PHYHIPL: variants seen among roughly 807,000 people sequenced by gnomAD.
PHYHIPL encodes phytanoyl-CoA 2-hydroxylase interacting protein like.
In PHYHIPL, 9 loss-of-function variants were observed where a neutral mutation model predicts 33.4. That is an observed-to-expected ratio of 0.27 (90% CI 0.16 to 0.47). The LOEUF (loss-of-function observed/expected upper bound fraction) is 0.47. Among genes scored for constraint, PHYHIPL ranks in the 20% least tolerant of loss-of-function variants. The pLI, the probability that PHYHIPL is intolerant of heterozygous loss-of-function variation, is 0.99. For synonymous variants in PHYHIPL, 153 were observed against 154.1 expected (o/e 0.99, Z 0.05); for missense variants, 365 against 460.7 (o/e 0.79, Z 1.90).
intron 1 of PHYHIPL, among the ~76,000 whole-genome samples, chr10:59,186,038 T>C (rs528493077): frequency 9.2e-5 from 14 of 152,260 alleles, no homozygotes; most frequent in African/African-American, 2.9e-4. Context: ...GAAGTCCTTG[T>C]CCATGCCTAT....
In PHYHIPL at chr10:59,234,444, T is replaced by C. The variant is rs1840166462; in HGVS notation, c.247T>C (p.Tyr83His). The C allele has an allele frequency of 6.3e-7, 1 of 1,591,386 alleles. No homozygotes were observed. Among genetic ancestry groups the C allele is most frequent in the South Asian group, 1.2e-5 (1 of 86,708 alleles). Residue 83 changes from tyrosine to histidine, a missense_variant, in exon 2 of 5, where the codon TAT becomes CAT. Coordinates refer to ENST00000373880, the MANE Select transcript of PHYHIPL (RefSeq NM_032439.4). ...AAAATCAAAGGATCGCATTACACAC[T>C]ATTTTATTGACCTCAACAAGAAAGA... ...DSKSKDRITH[Y>H]FIDLNKKENK...
At chr10:59,236,998 C>CTTTTTTTTTTTTTTT (rs57712085) in intron 3 of PHYHIPL, among the ~76,000 whole-genome samples, 1 of 141,708 alleles carries the variant, frequency 7.1e-6, no homozygotes. Flanking sequence ...CTTTTTTCTC[C>CTTTTTTTTTTTTTTT]TTTTTTTTTT....
At chr10:59,229,564 T>G (rs1216815229) in intron 1 of PHYHIPL, among the ~76,000 whole-genome samples, 1 of 152,162 alleles carries the variant, frequency 6.6e-6, no homozygotes, top group East Asian at 1.9e-4. Flanking sequence ...CCAAATTAAA[T>G]TTAAAGTTTA....
chr10:59,240,558 C>T (rs1052005822), intron 4 of PHYHIPL, among the ~76,000 whole-genome samples: 14 of 151,582 alleles, frequency 9.2e-5, no homozygotes, highest in Non-Finnish European at 1.5e-4. Context: ...ACTGAATGTG[C>T]ATCATTTTCA....
At chr10:59,201,565 C>G (rs1053966278) in intron 1 of PHYHIPL, among the ~76,000 whole-genome samples, 2 of 152,116 alleles carry the variant, frequency 1.3e-5, no homozygotes, top group Non-Finnish European at 2.9e-5. Flanking sequence ...CTGTAGATGT[C>G]TGTTAGGTCC....
intron 1 of PHYHIPL, among the ~76,000 whole-genome samples, chr10:59,182,746 C>T (rs1197794855): frequency 6.6e-6 from 1 of 151,942 alleles, no homozygotes; most frequent in Non-Finnish European, 1.5e-5. Flanking sequence ...TAGAAAGCTT[C>T]AGCATATTCT....
chr10:59,209,111 C>T (rs1033409299), intron 1 of PHYHIPL, among the ~76,000 whole-genome samples: 1 of 151,708 alleles, frequency 6.6e-6, no homozygotes, highest in African/African-American at 2.4e-5. Flanking sequence ...AGAGCAACTC[C>T]AAGACACATA....
intron 1 of PHYHIPL, among the ~76,000 whole-genome samples, chr10:59,213,544 T>A (rs1435719807): frequency 1.3e-5 from 2 of 152,280 alleles, no homozygotes; most frequent in East Asian, 3.9e-4. Context: ...TGATCTCAAC[T>A]CATGTCTAGT....
chr10:59,179,674 G>A (rs111407649), intron 1 of PHYHIPL, among the ~76,000 whole-genome samples: 62 of 151,760 alleles, frequency 4.1e-4, no homozygotes, highest in African/African-American at 1.5e-3. Flanking sequence ...GGATTTTTTT[G>A]TTTTTGTTTT....
chr10:59,202,274 C>T (rs1036878799), intron 1 of PHYHIPL, among the ~76,000 whole-genome samples: 1 of 152,072 alleles, frequency 6.6e-6, no homozygotes, highest in Admixed American at 6.6e-5. Flanking sequence ...ACTAGAAGCC[C>T]ATCCCCCACC....
At chr10:59,183,692 CG>C (rs1186216846) in intron 1 of PHYHIPL, 1 of 984,180 alleles carries the variant, frequency 1.0e-6, no homozygotes, top group African/African-American at 1.7e-5. Flanking sequence ...GAACCAAGAA[CG>C]TCATACTTGG....
intron 1 of PHYHIPL, among the ~76,000 whole-genome samples, chr10:59,220,001 C>A (rs148748988): frequency 6.6e-6 from 1 of 152,162 alleles, no homozygotes; most frequent in East Asian, 1.9e-4. Context: ...AGCAGCAAAA[C>A]CAGTTCAGAC....
chr10:59,217,422 A>G (rs572288843), intron 1 of PHYHIPL, among the ~76,000 whole-genome samples: 1 of 152,014 alleles, frequency 6.6e-6, no homozygotes, highest in East Asian at 1.9e-4. Context: ...TATTTTTAAG[A>G]TGCAAATTTT....
chr10:59,173,921 GTTTTTTT>G (rs368316005), upstream of PHYHIPL, among the ~76,000 whole-genome samples: 14 of 57,546 alleles, frequency 2.4e-4, no homozygotes, highest in African/African-American at 6.8e-4. Context: ...TACTTCTGAG[GTTTTTTT>G]TTTTTTTTTT....
chr10:59,173,921 GTTTTTTTTTTTTTTTTTTTTTTTTTTT>G (rs368316005), upstream of PHYHIPL, among the ~76,000 whole-genome samples: 1 of 57,528 alleles, frequency 1.7e-5, no homozygotes, highest in African/African-American at 5.7e-5. Flanking sequence ...TACTTCTGAG[GTTTTTTTTTTTTTTTTTTTTTTTTTTT>G]TTTTTTTTTT....
chr10:59,181,646 CATGTAGATTA>C (rs1489178060), intron 1 of PHYHIPL, among the ~76,000 whole-genome samples: 1 of 152,030 alleles, frequency 6.6e-6, no homozygotes, highest in Non-Finnish European at 1.5e-5. Flanking sequence ...GGACACGTAG[CATGTAGATTA>C]ATTTCTTTGG....
upstream of PHYHIPL, among the ~76,000 whole-genome samples, chr10:59,173,598 T>A (rs1838202941): frequency 6.6e-6 from 1 of 152,174 alleles, no homozygotes; most frequent in African/African-American, 2.4e-5. Flanking sequence ...CCTGTCTGTC[T>A]AGATTCTTCT....
intron 1 of PHYHIPL, among the ~76,000 whole-genome samples, chr10:59,223,583 T>C (rs1839837925): frequency 6.6e-6 from 1 of 152,106 alleles, no homozygotes. Context: ...CACTGAATAA[T>C]GTAAATAAAT....
At chr10:59,203,116 A>G (rs1388650841) in intron 1 of PHYHIPL, among the ~76,000 whole-genome samples, 1 of 152,236 alleles carries the variant, frequency 6.6e-6, no homozygotes, top group East Asian at 1.9e-4. Context: ...GGATATGAAC[A>G]GACACTTCTC....
Sources: allele counts gnomAD v4.1 joint callset (sites outside exome capture counted in the v4.1 genomes callset), GRCh38; gene constraint gnomAD v4.1.1; transcripts MANE v1.5; gene names NCBI Gene and HGNC (gene_info 2026-07-23, HGNC 2026-07-21).